The following PRKCQ variants were observed in gnomAD, a reference collection of about 807,000 sequenced individuals.
PRKCQ encodes the protein protein kinase C theta, also known as protein kinase C theta type.
A neutral mutation model predicts 91.2 loss-of-function variants in PRKCQ; 41 were observed. The observed-to-expected ratio is 0.45, with a 90% confidence interval of 0.35 to 0.58. The LOEUF (loss-of-function observed/expected upper bound fraction) is 0.58, where lower values mean the gene tolerates loss of function less well. Among genes scored for constraint, PRKCQ ranks in the 20% least tolerant of loss-of-function variants. PRKCQ has a pLI of 0.00. For synonymous variants in PRKCQ, 307 were observed against 316.9 expected, an observed-to-expected ratio of 0.97 and a Z score of 0.33; for missense variants, 673 against 896.5, an observed-to-expected ratio of 0.75 and a Z score of 3.18.
chr10:6,446,547 G>A (rs920227264), intron 15 of PRKCQ, among the ~76,000 whole-genome samples: 13 of 151,780 alleles, frequency 8.6e-5, no homozygotes, highest in Non-Finnish European at 1.3e-4. Flanking sequence ...TGTATTTTTA[G>A]TAGAGACGGG....
intron 1 of PRKCQ, among the ~76,000 whole-genome samples, chr10:6,574,047 C>T (rs929521668): frequency 5.3e-5 from 8 of 152,146 alleles, no homozygotes; most frequent in African/African-American, 9.7e-5. Context: ...GCCTCAGAGG[C>T]GGAGGCTGCT....
At chr10:6,428,624 T>C (rs766273707) in intron 17 of PRKCQ, among the ~76,000 whole-genome samples, 2 of 152,148 alleles carry the variant, frequency 1.3e-5, no homozygotes, top group Non-Finnish European at 2.9e-5. Flanking sequence ...TGGGATCTAA[T>C]GTTTCTAATG....
intron 12 of PRKCQ, among the ~76,000 whole-genome samples, chr10:6,467,343 G>C (rs984223474): frequency 1.5e-5 from 2 of 131,166 alleles, no homozygotes; most frequent in East Asian, 2.2e-4. Flanking sequence ...GACAGAGAGA[G>C]AGAGAGAGAG....
intron 1 of PRKCQ, among the ~76,000 whole-genome samples, chr10:6,570,966 G>A (rs1284520401): frequency 6.6e-6 from 1 of 152,158 alleles, no homozygotes; most frequent in Admixed American, 6.5e-5. Flanking sequence ...TCTGAATCGG[G>A]AAACTTGTAC....
At chr10:6,506,689 G>A (rs1034839020) in intron 4 of PRKCQ, among the ~76,000 whole-genome samples, 3 of 152,266 alleles carry the variant, frequency 2.0e-5, no homozygotes, top group Middle Eastern at 3.4e-3. Flanking sequence ...ATGGTAAGCC[G>A]AAACTCAGAA....
intron 13 of PRKCQ, 41 bp from the exon 14 acceptor site, chr10:6,462,406 T>C: frequency 6.3e-7 from 1 of 1,594,192 alleles, no homozygotes; most frequent in Non-Finnish European, 8.6e-7. Context: ...AATGTTGTCA[T>C]GGAACGAAAT....
chr10:6,493,198 T>C (rs745435485), intron 7 of PRKCQ, among the ~76,000 whole-genome samples: 3 of 152,146 alleles, frequency 2.0e-5, no homozygotes, highest in African/African-American at 7.2e-5. Flanking sequence ...TGGCGAACAC[T>C]TGAAAGGTGG....
chr10:6,426,307 G>A (rs1833120595), downstream of PRKCQ, among the ~76,000 whole-genome samples: 1 of 152,162 alleles, frequency 6.6e-6, no homozygotes, highest in Admixed American at 6.5e-5. Flanking sequence ...GAAATGACTT[G>A]TTCAGGGCTT....
rs78893042 is a variant in PRKCQ at position 6,569,330 on chromosome 10, C to T, written c.-10+10881G>A. The stretch of plus-strand genomic sequence containing the variant: ...AGACATCTTGGGAGCTGAAGATGTA[C>T]AGGAAGTAGCTCAGAGATTGAGCAG... On this transcript the variant is annotated intron_variant, in intron 1 of 17. Transcript: ENST00000263125. Among the ~76,000 whole-genome samples the T allele has an allele frequency of 9.4e-3, 1,425 of 151,900 alleles. 17 individuals carry two copies. The highest frequency in any genetic ancestry group is 0.045 in the East Asian group (232 of 5,160).
intron 1 of PRKCQ, chr10:6,515,432 G>A: frequency 1.0e-6 from 1 of 985,390 alleles, no homozygotes; most frequent in Non-Finnish European, 1.2e-6. Context: ...ATGGAGTTAG[G>A]CCCAATGGTT....
chr10:6,572,810 C>T (rs969642869), intron 1 of PRKCQ, among the ~76,000 whole-genome samples: 5 of 152,054 alleles, frequency 3.3e-5, no homozygotes, highest in African/African-American at 1.2e-4. Context: ...ATTGCCACAC[C>T]ATCTTCCACA....
Position 6,442,004 on chromosome 10 carries a change from A to G in PRKCQ, c.1725T>C (p.Gly575=). ...CATCCTGCCCGTGGAAAGGCGACTGACCAATCAGCATTTCATAAAGGAGAA... is the reference window on the plus strand; with the variant it reads ...CATCCTGCCCGTGGAAAGGCGACTGGCCAATCAGCATTTCATAAAGGAGAA... ...FGVLLYEMLI[G]QSPFHGQDEE... is the part of the protein sequence containing the mutation. Residue 575 remains glycine (G), a synonymous_variant, in exon 16 of 18, where the codon GGT becomes GGC. Coordinates refer to ENST00000263125, the MANE Select transcript of PRKCQ (RefSeq NM_006257.5). The G allele has an allele frequency of 6.2e-7, 1 of 1,614,160 alleles. No individual in the cohort carries two copies. The highest frequency in any genetic ancestry group is 8.5e-7 in the Non-Finnish European group (1 of 1,180,030).
chr10:6,397,385 T>G, the PRKCQ span, among the ~76,000 whole-genome samples: 32 of 149,790 alleles, frequency 2.1e-4, no homozygotes, highest in African/African-American at 6.5e-4. Context: ...TGAGCCACCA[T>G]GTCCGACCCC....
chr10:6,421,410 AG>A, the PRKCQ span, among the ~76,000 whole-genome samples: 1 of 152,224 alleles, frequency 6.6e-6, no homozygotes, highest in East Asian at 1.9e-4. This position sits in a 1 kb window ranked among gnomAD's most constrained non-coding sequence, Gnocchi z 4.1. Flanking sequence ...ACCTGAGCCC[AG>A]GACGTGGAGG....
chr10:6,422,585 G>A (rs886597544), downstream of PRKCQ, among the ~76,000 whole-genome samples: 3 of 152,184 alleles, frequency 2.0e-5, 1 homozygote, highest in South Asian at 4.1e-4. Flanking sequence ...TGGAGACAAT[G>A]ATGCTGTCCT....
chr10:6,543,326 T>C (rs1839837155), intron 1 of PRKCQ, among the ~76,000 whole-genome samples: 1 of 152,230 alleles, frequency 6.6e-6, no homozygotes, highest in Admixed American at 6.5e-5. Flanking sequence ...CAGGCTTCCC[T>C]TAGCTTTCAG....
chr10:6,559,257 AG>A (rs1425340448), intron 1 of PRKCQ, among the ~76,000 whole-genome samples: 1 of 152,196 alleles, frequency 6.6e-6, no homozygotes, highest in Non-Finnish European at 1.5e-5. Context: ...GGGTAATAAA[AG>A]AGCCCTGGTC....
At position 6,482,338 on chromosome 10, in the gene PRKCQ, T is replaced by G. The variant is rs192196664; in HGVS notation, c.1179+1102A>C. Among the ~76,000 whole-genome samples, 7 of 152,288 alleles carry G rather than the reference T, an allele frequency of 4.6e-5. No homozygotes were observed. The East Asian group carries it at 1.4e-3, about 29-fold the overall frequency. ...TTTAAGCAGAGTGTGGTGGCACAAC[T>G]GTAATCCCAGCTACTAGGGAGCTGA... On this transcript the variant is annotated intron_variant, in intron 11 of 17. Coordinates refer to ENST00000263125, the MANE Select transcript of PRKCQ (RefSeq NM_006257.5).
intron 15 of PRKCQ, among the ~76,000 whole-genome samples, chr10:6,443,826 C>T (rs2132265512): frequency 6.6e-6 from 1 of 152,168 alleles, no homozygotes; most frequent in East Asian, 1.9e-4. Context: ...CTGAATGATT[C>T]CACTTACATA....
Sources: allele counts gnomAD v4.1 joint callset (sites outside exome capture counted in the v4.1 genomes callset), GRCh38; gene constraint gnomAD v4.1.1; non-coding constraint Gnocchi (gnomAD v3.1); transcripts MANE v1.5; gene names NCBI Gene and HGNC (gene_info 2026-07-23, HGNC 2026-07-21).